Variants in HERC2 observed in about 807,000 individuals in gnomAD.
HERC2 encodes the protein E3 ubiquitin-protein ligase HERC2.
Under a neutral mutation model 537.7 loss-of-function variants are expected in HERC2, and 102 were observed. The ratio of observed to expected loss-of-function variants is 0.19; its 90% CI spans 0.16 to 0.22. The LOEUF (loss-of-function observed/expected upper bound fraction) is 0.22. Among genes scored for constraint, HERC2 ranks in the 10% least tolerant of loss-of-function variants. The pLI is 1.00. For missense variants in HERC2, 4,236 were observed against 6,198.2 expected (o/e 0.68, Z 10.63); for synonymous variants, 2,224 against 2,466.2 (o/e 0.90, Z 2.91).
At chr15:28,117,736 C>G (rs1402024956) in intron 86 of HERC2, 3 of 364,230 alleles carry the variant, frequency 8.2e-6, no homozygotes, top group Non-Finnish European at 1.6e-5. Context: ...CTCAGCCTCC[C>G]CAACACAGGC....
rs55977156 is a variant in HERC2 at position 28,301,735 on chromosome 15, GTATATATATATATATATATATA to G, written c.73-2241_73-2220del. Among the ~76,000 whole-genome samples, 30 of 35,380 alleles carry G rather than the reference GTATATATATATATATATATATA, an allele frequency of 8.5e-4. 1 individual carries two copies. The highest frequency in any genetic ancestry group is 3.4e-3 in the East Asian group (4 of 1,184). 23.2% of individuals were successfully genotyped at this position (35,380 alleles called of 152,430 possible). A position where few individuals can be genotyped will look rare whatever the true frequency, so the allele number is the denominator to read the frequency against. On this transcript the variant is annotated intron_variant, in intron 2 of 92. Coordinates refer to ENST00000261609, the MANE Select transcript of HERC2 (RefSeq NM_004667.6). ...GGATACACACTAGTTGTATGTATGT[GTATATATATATATATATATATA>G]TATATATATATATATATATATATGG...
intron 38 of HERC2, among the ~76,000 whole-genome samples, chr15:28,216,532 C>T (rs1899921801): frequency 6.8e-6 from 1 of 146,040 alleles, no homozygotes; most frequent in Non-Finnish European, 1.5e-5. Flanking sequence ...CCCCACAGGA[C>T]CTGCTCTCCC....
chr15:28,277,240 G>T (rs2075898523), intron 5 of HERC2, among the ~76,000 whole-genome samples: 1 of 152,124 alleles, frequency 6.6e-6, no homozygotes, highest in South Asian at 2.1e-4. Context: ...TTGCAGTGGT[G>T]GTCTCAGAAA....
chr15:28,150,074 A>T (rs1892264717), intron 70 of HERC2, among the ~76,000 whole-genome samples: 1 of 152,156 alleles, frequency 6.6e-6, no homozygotes, highest in African/African-American at 2.4e-5. Context: ...GAACGGCCAC[A>T]CAAACGCACA....
At chr15:28,209,597 C>G (rs1030322423) in intron 44 of HERC2, among the ~76,000 whole-genome samples, 1 of 152,194 alleles carries the variant, frequency 6.6e-6, no homozygotes, top group African/African-American at 2.4e-5. Flanking sequence ...CCCGCCTTAG[C>G]CTCCCAAAGT....
intron 69 of HERC2, among the ~76,000 whole-genome samples, chr15:28,157,704 T>C (rs747189431): frequency 1.3e-5 from 2 of 152,234 alleles, no homozygotes; most frequent in Non-Finnish European, 2.9e-5. Context: ...CCTGGCTTCA[T>C]TGATTTTTTG....
intron 2 of HERC2, among the ~76,000 whole-genome samples, chr15:28,319,584 C>CA (rs1168038967): frequency 0.081 from 4,609 of 57,062 alleles, 27 homozygotes; most frequent in East Asian, 0.2. Flanking sequence ...GACTGCGTCT[C>CA]AAAAAAAAAA....
At chr15:28,183,206 T>G (rs935689323) in intron 56 of HERC2, among the ~76,000 whole-genome samples, 1 of 151,984 alleles carries the variant, frequency 6.6e-6, no homozygotes, top group Non-Finnish European at 1.5e-5. Flanking sequence ...GGTTAGGAGT[T>G]TATTTATTTT....
At position 28,177,204 on chromosome 15, in the gene HERC2, G is replaced by A. The variant is rs1895370808; in HGVS notation, c.9255-77C>T. 7.1e-7 allele frequency: 1 copy of A among 1,413,896 alleles called. No homozygotes were observed. Among genetic ancestry groups the A allele is most frequent in the Admixed American group, 2.0e-5 (1 of 50,224 alleles). 87.6% of individuals were successfully genotyped at this position (1,413,896 alleles called of 1,614,324 possible). A position where few individuals can be genotyped will look rare whatever the true frequency, so the allele number is the denominator to read the frequency against. ...ATGAAGGAAAAAAGACATCTATACT[G>A]ATCCACATGTAGTCAACACAGGATC... is the stretch of plus-strand genomic sequence containing the variant. On this transcript the variant is annotated intron_variant, in intron 60 of 92. Coordinates refer to ENST00000261609, the MANE Select transcript of HERC2 (RefSeq NM_004667.6). The surrounding 1 kb of genome is among the most constrained non-coding windows in gnomAD (Gnocchi z 5.0).
intron 56 of HERC2, among the ~76,000 whole-genome samples, chr15:28,186,294 C>G (rs1896302185): frequency 6.6e-6 from 1 of 152,100 alleles, no homozygotes; most frequent in South Asian, 2.1e-4. Flanking sequence ...AGGAAAACTA[C>G]AAAGATATAT....
chr15:28,170,452 G>A (rs562028924), intron 65 of HERC2, among the ~76,000 whole-genome samples: 1 of 152,338 alleles, frequency 6.6e-6, no homozygotes, highest in East Asian at 1.9e-4. Flanking sequence ...GGAGCAACTG[G>A]ACGTCTGTGG....
At chr15:28,299,770 G>T (rs1270121300) in intron 2 of HERC2, among the ~76,000 whole-genome samples, 1 of 152,126 alleles carries the variant, frequency 6.6e-6, no homozygotes, top group African/African-American at 2.4e-5. Flanking sequence ...AATGACACGT[G>T]GTCGGGCGAG....
chr15:28,298,401 C>T (rs559960099), intron 3 of HERC2: 2 of 151,330 alleles, frequency 1.3e-5, no homozygotes, highest in East Asian at 2.0e-4. Flanking sequence ...ATGATCTGCC[C>T]GCCTCAGCCT....
At chr15:28,250,561 G>T (rs1160819514) in intron 20 of HERC2, among the ~76,000 whole-genome samples, 1 of 152,202 alleles carries the variant, frequency 6.6e-6, no homozygotes, top group South Asian at 2.1e-4. Context: ...AAATGTAAAT[G>T]GTATTCTGTG....
At chr15:28,151,512 G>T (rs903691367) in intron 70 of HERC2, among the ~76,000 whole-genome samples, 4 of 151,784 alleles carry the variant, frequency 2.6e-5, no homozygotes, top group Non-Finnish European at 5.9e-5. Flanking sequence ...ATAAATAAAA[G>T]GAAAAAATTT....
At chr15:28,163,830 C>T (rs1486857289) in intron 68 of HERC2, among the ~76,000 whole-genome samples, 1 of 152,156 alleles carries the variant, frequency 6.6e-6, no homozygotes. Flanking sequence ...CATTACCACT[C>T]GTGTACTTCC....
intron 35 of HERC2, among the ~76,000 whole-genome samples, chr15:28,225,661 G>T (rs1901056445): frequency 7.3e-6 from 1 of 137,416 alleles, no homozygotes; most frequent in Non-Finnish European, 1.5e-5. Flanking sequence ...CTGTGCCACT[G>T]CACTCTGGCC....
In HERC2 at chr15:28,269,455, A is replaced by C; in HGVS notation, c.1258-19T>G. The C allele has an allele frequency of 6.3e-7, 1 of 1,578,834 alleles. No homozygotes were observed. Among genetic ancestry groups the C allele is most frequent in the Non-Finnish European group, 8.7e-7 (1 of 1,151,398 alleles). ...ATGATCCCTGTAAGATAAGAAAGTA[A>C]ACATTTCCTTTAACAACAACAACAA... On this transcript the variant is annotated intron_variant, in intron 10 of 92. Coordinates refer to ENST00000261609, the MANE Select transcript of HERC2 (RefSeq NM_004667.6).
intron 81 of HERC2, among the ~76,000 whole-genome samples, chr15:28,131,225 G>A (rs572354212): frequency 4.6e-5 from 7 of 152,226 alleles, no homozygotes; most frequent in South Asian, 4.1e-4. Context: ...CAATGGCATC[G>A]GGACGTCCTG....
Sources: gnomAD v4.1 joint callset for allele counts (sites outside exome capture counted in the v4.1 genomes callset) on GRCh38, gnomAD v4.1.1 for gene constraint, Gnocchi (gnomAD v3.1) non-coding constraint, MANE v1.5 for transcripts, NCBI Gene and HGNC (gene_info 2026-07-23, HGNC 2026-07-21) for gene names.